Variants in RASGRF1 observed in about 807,000 individuals in gnomAD.
RASGRF1 encodes the protein Ras protein specific guanine nucleotide releasing factor 1.
RASGRF1 carries 40 observed loss-of-function variants against 138.7 expected under a neutral mutation model. That is an observed-to-expected ratio of 0.29 (90% CI 0.22 to 0.38). RASGRF1 has a LOEUF of 0.38. Ranked by LOEUF, RASGRF1 falls within the 10% of genes least tolerant of loss-of-function variation. The probability of loss-of-function intolerance (pLI) is 1.00; values close to 1 mark genes in which losing one functional copy is unlikely to be tolerated. For missense variants in RASGRF1, 1,108 were observed against 1,650.4 expected (o/e 0.67, Z 5.69); for synonymous variants, 614 against 663.2 (o/e 0.93, Z 1.14).
At chr15:79,048,947 TCACTACCTGGC>T (rs1216999682) in intron 4 of RASGRF1, among the ~76,000 whole-genome samples, 1 of 152,224 alleles carries the variant, frequency 6.6e-6, no homozygotes, top group Non-Finnish European at 1.5e-5. Flanking sequence ...CCATGGTATG[TCACTACCTGGC>T]CACTGGGCAG....
chr15:79,075,660 G>C (rs961099593), intron 1 of RASGRF1, among the ~76,000 whole-genome samples: 1 of 152,206 alleles, frequency 6.6e-6, no homozygotes, highest in Admixed American at 6.5e-5. Flanking sequence ...ACTGTCCTGG[G>C]TTTGCCTGAG....
chr15:79,016,448 C>T (rs1234024473), intron 12 of RASGRF1, among the ~76,000 whole-genome samples: 1 of 152,214 alleles, frequency 6.6e-6, no homozygotes, highest in East Asian at 1.9e-4. Context: ...GCCATGGGCT[C>T]AGAGTGTTAT....
At chr15:78,965,180 G>A (rs2055619515) in intron 26 of RASGRF1, among the ~76,000 whole-genome samples, 1 of 152,182 alleles carries the variant, frequency 6.6e-6, no homozygotes, top group African/African-American at 2.4e-5. Flanking sequence ...GAGTAGGCTT[G>A]TCAAGGATTG....
chr15:78,962,367 T>C, intron 26 of RASGRF1, 131 bp from the exon 27 acceptor site: 1 of 635,280 alleles, frequency 1.6e-6, no homozygotes, highest in Non-Finnish European at 2.8e-6. Context: ...GAGGCAAAAA[T>C]GCATTCAGTA....
chr15:78,975,585 C>G (rs1288304060), intron 24 of RASGRF1, among the ~76,000 whole-genome samples: 2 of 151,358 alleles, frequency 1.3e-5, no homozygotes, highest in Non-Finnish European at 2.9e-5. Flanking sequence ...AATCACAGCT[C>G]ACTGCAGCCT....
Position 78,965,265 on chromosome 15 carries a change from G to A in RASGRF1, c.3682-3029C>T, listed in dbSNP as rs186568670. On this transcript the variant is annotated intron_variant, in intron 26 of 26. Coordinates refer to ENST00000558480, the MANE Select transcript of RASGRF1 (RefSeq NM_001145648.3). ...TGGTGAGCATGATTCGGATGCACAC[G>A]GACACTGGAGACCCACTGCCTTTAA... 3.6e-4 allele frequency among the ~76,000 whole-genome samples: 55 copies of A among 152,192 alleles called. 1 individual carries two copies. The highest frequency in any genetic ancestry group is 3.5e-3 in the Admixed American group (54 of 15,292).
At chr15:79,054,490 G>A (rs73477324) in intron 3 of RASGRF1, among the ~76,000 whole-genome samples, 2,214 of 152,258 alleles carry the variant, frequency 0.015, 48 homozygotes, top group African/African-American at 0.05. Context: ...TCTTGGAAAT[G>A]GTGGGATTGT....
intron 24 of RASGRF1, among the ~76,000 whole-genome samples, chr15:78,974,607 A>G (rs1199378563): frequency 6.6e-6 from 1 of 152,244 alleles, no homozygotes; most frequent in Non-Finnish European, 1.5e-5. Flanking sequence ...TTCACGTGGT[A>G]AGAAACATTG....
At chr15:79,083,513 AG>A (rs1412201665) in intron 1 of RASGRF1, among the ~76,000 whole-genome samples, 1 of 152,194 alleles carries the variant, frequency 6.6e-6, no homozygotes, top group African/African-American at 2.4e-5. Context: ...CAGAGTTGCG[AG>A]GTTCCCACCC....
intron 1 of RASGRF1, among the ~76,000 whole-genome samples, chr15:79,066,812 G>A (rs1567606864): frequency 6.6e-6 from 1 of 152,170 alleles, no homozygotes; most frequent in Non-Finnish European, 1.5e-5. Flanking sequence ...CTTCTGACAG[G>A]TTATGATGCC....
intron 24 of RASGRF1, among the ~76,000 whole-genome samples, chr15:78,976,928 C>A (rs1007073634): frequency 2.0e-5 from 3 of 152,234 alleles, no homozygotes; most frequent in Non-Finnish European, 4.4e-5. Context: ...AGTGTCCCAC[C>A]CCTAGCCTGA....
chr15:79,077,923 C>T (rs904625436), intron 1 of RASGRF1, among the ~76,000 whole-genome samples: 6 of 151,678 alleles, frequency 4.0e-5, no homozygotes, highest in Non-Finnish European at 7.4e-5. Flanking sequence ...GGGGTGGGCT[C>T]GGGGATAGAT....
rs931023302 is a variant in RASGRF1, at chr15:79,032,652, G to C, written c.959-336C>G. Among the ~76,000 whole-genome samples the C allele has an allele frequency of 6.6e-6, 1 of 152,208 alleles. No individual in the cohort carries two copies. Among genetic ancestry groups the C allele is most frequent in the African/African-American group, 2.4e-5 (1 of 41,446 alleles). ...ATCCCCCCAGCTGCCAGGAGTGCTG[G>C]TGGCCGATGGCTGTCAGCTGGGTCC... On this transcript the variant is annotated intron_variant, in intron 6 of 26. Transcript: ENST00000558480. The surrounding 1 kb of genome is among the most constrained non-coding windows in gnomAD (Gnocchi z 4.5).
intron 26 of RASGRF1, among the ~76,000 whole-genome samples, chr15:78,965,445 C>T (rs1347842783): frequency 1.3e-5 from 2 of 152,192 alleles, no homozygotes; most frequent in Non-Finnish European, 2.9e-5. Flanking sequence ...AACCGTTACT[C>T]ATGTATGCAT....
chr15:78,991,614 T>G, intron 21 of RASGRF1, 77 bp downstream of exon 21: 2 of 1,168,740 alleles, frequency 1.7e-6, no homozygotes, highest in South Asian at 2.5e-5. Flanking sequence ...GGAAATTCAC[T>G]GCGTGTGCTT....
rs75676382 is a variant in RASGRF1 at position 79,029,536 on chromosome 15, G to A, written c.1263-1677C>T. ...GCTGGGGAGCTCTGGGAAGGCGGTG[G>A]GAGTTTCAAGGTCGCGAGGCTCCTG... is the stretch of plus-strand genomic sequence containing the variant. On this transcript the variant is annotated intron_variant, in intron 8 of 26. Transcript: ENST00000558480. Among the ~76,000 whole-genome samples, 759 of 152,174 alleles carry A rather than the reference G, an allele frequency of 5.0e-3. 21 individuals carry two copies. In the East Asian group the frequency reaches 0.069, roughly 14 times the overall value.
In RASGRF1 at chr15:78,999,928, GAACC is replaced by G. The variant is rs1160176463; in HGVS notation, c.2576-19_2576-16del. On this transcript the variant is annotated splice_polypyrimidine_tract_variant and intron_variant, in intron 16 of 26. Coordinates refer to ENST00000558480, the MANE Select transcript of RASGRF1 (RefSeq NM_001145648.3). ...GAGTGGGAACTCTGCAGAGAGGAGG[GAACC>G]AACCCTCAGCTGTCCCCAGTCCCAA... 7.4e-6 allele frequency: 12 copies of G among 1,611,440 alleles called. No individual in the cohort carries two copies. The Admixed American group carries it at 2.0e-4, about 27-fold the overall frequency.
intron 14 of RASGRF1, chr15:79,005,707 T>G (rs1269880084): frequency 8.0e-5 from 73 of 911,268 alleles, no homozygotes; most frequent in Non-Finnish European, 9.3e-5. Flanking sequence ...AAAGCAGGGG[T>G]AAGAGTCCTT....
At chr15:78,997,628 G>A (rs2056422698) in intron 19 of RASGRF1, among the ~76,000 whole-genome samples, 1 of 151,758 alleles carries the variant, frequency 6.6e-6, no homozygotes. Flanking sequence ...CCCAGCTACT[G>A]GGGAGGCTGA....
Sources: allele counts gnomAD v4.1 joint callset (sites outside exome capture counted in the v4.1 genomes callset), GRCh38; gene constraint gnomAD v4.1.1; non-coding constraint Gnocchi (gnomAD v3.1); transcripts MANE v1.5; gene names NCBI Gene and HGNC (gene_info 2026-07-23, HGNC 2026-07-21).